Variants in SULF1 observed in about 807,000 individuals in gnomAD.
SULF1 encodes the protein sulfatase 1.
In SULF1, 46 loss-of-function variants were observed where a neutral mutation model predicts 110.5. The observed-to-expected ratio is 0.42, with a 90% CI of 0.33 to 0.53. The LOEUF is 0.53. Ranked by LOEUF, SULF1 falls within the 20% of genes least tolerant of loss-of-function variation. The pLI is 0.12. For synonymous variants in SULF1, 371 were observed against 387.1 expected (o/e 0.96, Z 0.49); for missense variants, 941 against 1,094.2 (o/e 0.86, Z 1.98).
chr8:69,624,508 T>C (rs1376170416), intron 15 of SULF1, among the ~76,000 whole-genome samples: 1 of 152,226 alleles, frequency 6.6e-6, no homozygotes, highest in Non-Finnish European at 1.5e-5. Flanking sequence ...TTAGCAGGCA[T>C]GGAGTTCATG....
rs141358458 is a variant in SULF1 at position 69,629,393 on chromosome 8, T to G, written c.2109-111T>G. The stretch of plus-strand genomic sequence containing the variant: ...TCTATACAAAATGAAGGTCGTCCAT[T>G]ATCTCTTATCAAGGCATCTAAATAT... On this transcript the variant is annotated intron_variant, in intron 18 of 22. Coordinates refer to ENST00000402687, the MANE Select transcript of SULF1 (RefSeq NM_001128205.2). 454 of 1,137,980 alleles carry G rather than the reference T, an allele frequency of 4.0e-4. 2 individuals are homozygous for G. In the African/African-American group the frequency reaches 6.3e-3, roughly 16 times the overall value. 70.5% of individuals were successfully genotyped at this position (1,137,980 alleles called of 1,614,324 possible).
chr8:69,525,886 G>A (rs990714699), intron 3 of SULF1, among the ~76,000 whole-genome samples: 2 of 152,228 alleles, frequency 1.3e-5, no homozygotes, highest in East Asian at 1.9e-4. Flanking sequence ...TGTGATAATC[G>A]GAGACTGCCT....
intron 13 of SULF1, among the ~76,000 whole-genome samples, chr8:69,616,393 T>C (rs1161350170): frequency 6.6e-6 from 1 of 151,524 alleles, no homozygotes; most frequent in Admixed American, 6.6e-5. Context: ...AATTTTTGTT[T>C]CTTTGTTTTT....
chr8:69,608,185 CA>C (rs1221243259), intron 13 of SULF1, among the ~76,000 whole-genome samples: 2 of 152,168 alleles, frequency 1.3e-5, no homozygotes, highest in African/African-American at 4.8e-5. Flanking sequence ...TCAAATAGGT[CA>C]CTTACTTTCT....
intron 3 of SULF1, among the ~76,000 whole-genome samples, chr8:69,511,341 A>G (rs967566216): frequency 6.6e-6 from 1 of 152,178 alleles, no homozygotes; most frequent in African/African-American, 2.4e-5. Context: ...TTTGACAAAT[A>G]CTAATAAATA....
chr8:69,481,515 T>G (rs1809521633), intron 1 of SULF1, among the ~76,000 whole-genome samples: 2 of 152,166 alleles, frequency 1.3e-5, no homozygotes, highest in South Asian at 4.1e-4. Context: ...GTTCCATAGG[T>G]AAACGTGTGC....
At chr8:69,636,268 G>A (rs553260935) in intron 19 of SULF1, among the ~76,000 whole-genome samples, 297 of 152,250 alleles carry the variant, frequency 2.0e-3, no homozygotes, top group South Asian at 3.5e-3. Context: ...CGGGCGCGGT[G>A]GCTCACACCT....
rs1810086832 is a variant in SULF1, at chr8:69,493,462, C to CT, written c.-391+337_-391+338insT. On this transcript the variant is annotated intron_variant, in intron 1 of 22. Transcript: ENST00000402687. ...ACACACAACACTACACACACACACA[C>CT]ACACACACACACACACACACACACA... 9.7e-5 allele frequency among the ~76,000 whole-genome samples: 11 copies of CT among 113,150 alleles called. No homozygotes were observed. The East Asian group carries it at 2.6e-3, about 27-fold the overall frequency. 74.2% of individuals were successfully genotyped at this position (113,150 alleles called of 152,430 possible).
intron 22 of SULF1, among the ~76,000 whole-genome samples, chr8:69,654,789 C>G (rs1812592665): frequency 6.6e-6 from 1 of 152,226 alleles, no homozygotes; most frequent in Non-Finnish European, 1.5e-5. Context: ...GCCTTCAATG[C>G]TTTTGTCTCC....
chr8:69,651,840 C>G (rs1330401731), intron 22 of SULF1, among the ~76,000 whole-genome samples: 2 of 152,064 alleles, frequency 1.3e-5, no homozygotes, highest in East Asian at 3.9e-4. Flanking sequence ...CCAGCATTAT[C>G]TCTTAGATAT....
At chr8:69,490,168 T>C (rs1346840087), upstream of SULF1, among the ~76,000 whole-genome samples, 1 of 148,348 alleles carries the variant, frequency 6.7e-6, no homozygotes, top group Non-Finnish European at 1.5e-5. Flanking sequence ...AGTGGCACAA[T>C]CTGGGCTCAC....
intron 3 of SULF1, among the ~76,000 whole-genome samples, chr8:69,561,964 A>G (rs1815516586): frequency 6.6e-6 from 1 of 152,256 alleles, no homozygotes; most frequent in South Asian, 2.1e-4. Context: ...ATGTACAGCA[A>G]TCACTGTGGA....
intron 7 of SULF1, among the ~76,000 whole-genome samples, chr8:69,588,279 T>G (rs1475477364): frequency 6.6e-6 from 1 of 152,214 alleles, no homozygotes; most frequent in Non-Finnish European, 1.5e-5. Context: ...CCAGCAGCTG[T>G]ATTGCTTTAG....
chr8:69,563,750 A>G (rs1815673720), intron 4 of SULF1, 139 bp downstream of exon 4: 1 of 466,810 alleles, frequency 2.1e-6, no homozygotes, highest in African/African-American at 1.9e-5. Flanking sequence ...TGCTTAAAAA[A>G]CTACCCAGCA....
intron 8 of SULF1, among the ~76,000 whole-genome samples, chr8:69,599,021 A>T (rs1243667647): frequency 6.6e-6 from 1 of 152,176 alleles, no homozygotes; most frequent in East Asian, 1.9e-4. Flanking sequence ...AAAATATAAT[A>T]GCAGGTGGCA....
intron 1 of SULF1, among the ~76,000 whole-genome samples, chr8:69,477,707 G>T (rs1197930634): frequency 3.9e-5 from 6 of 152,112 alleles, no homozygotes; most frequent in African/African-American, 1.2e-4. Flanking sequence ...TATTAATAGT[G>T]TGATTTTGAG....
intron 8 of SULF1, among the ~76,000 whole-genome samples, chr8:69,597,842 G>A (rs1807463264): frequency 6.6e-6 from 1 of 152,190 alleles, no homozygotes; most frequent in Non-Finnish European, 1.5e-5. Context: ...TGTTATAGCT[G>A]TATTCTTTCT....
intron 2 of SULF1, among the ~76,000 whole-genome samples, chr8:69,501,626 AT>A (rs1356591474): frequency 6.6e-6 from 1 of 152,236 alleles, no homozygotes; most frequent in Non-Finnish European, 1.5e-5. Context: ...TATGAAATGA[AT>A]CTAATGGAAA....
At chr8:69,578,384 G>C (rs1163830988) in intron 6 of SULF1, among the ~76,000 whole-genome samples, 1 of 151,630 alleles carries the variant, frequency 6.6e-6, no homozygotes, top group Admixed American at 6.6e-5. Context: ...TTAAGTTTTA[G>C]GGTACATGTG....
Sources: allele counts gnomAD v4.1 joint callset (sites outside exome capture counted in the v4.1 genomes callset), GRCh38; gene constraint gnomAD v4.1.1; transcripts MANE v1.5; gene names NCBI Gene and HGNC (gene_info 2026-07-23, HGNC 2026-07-21).